Variants in TACR3 observed in about 807,000 individuals in gnomAD.
The protein encoded by TACR3 is neuromedin-K receptor.
Under a neutral mutation model 35.0 loss-of-function variants are expected in TACR3, and 34 were observed. That is an observed-to-expected ratio of 0.97 (90% CI 0.74 to 1.30). TACR3 has a LOEUF of 1.30. TACR3 is among the 50% of genes most tolerant of loss of function. The pLI, the probability that TACR3 is intolerant of heterozygous loss-of-function variation, is 0.00. For synonymous variants in TACR3, 233 were observed against 221.1 expected (o/e 1.05, Z -0.48); for missense variants, 558 against 591.7 (o/e 0.94, Z 0.59).
At chr4:103,612,934 A>C (rs1451085331) in intron 3 of TACR3, among the ~76,000 whole-genome samples, 2 of 152,202 alleles carry the variant, frequency 1.3e-5, no homozygotes, top group Non-Finnish European at 2.9e-5. Flanking sequence ...TACAAAGTGA[A>C]AGATTGGTAT....
At chr4:103,685,547 A>G (rs1424856541) in intron 1 of TACR3, among the ~76,000 whole-genome samples, 1 of 152,164 alleles carries the variant, frequency 6.6e-6, no homozygotes, top group Non-Finnish European at 1.5e-5. Context: ...GCTCTGCACA[A>G]TGCCTTGTGA....
In TACR3 at chr4:103,658,423, A is replaced by G. The variant is rs200297821; in HGVS notation, c.549-20T>C. ...ATATACCTATATAAAAACAAACAAA[A>G]CCATTTCATTGGTTTTCTTTATAAC... On this transcript the variant is annotated intron_variant, in intron 1 of 4. Coordinates refer to ENST00000304883, the MANE Select transcript of TACR3 (RefSeq NM_001059.3). The G allele has an allele frequency of 6.2e-7, 1 of 1,606,760 alleles. No homozygotes were observed. The highest frequency in any genetic ancestry group is 1.3e-5 in the African/African-American group (1 of 74,692).
chr4:103,652,224 C>G (rs901538851), intron 3 of TACR3, among the ~76,000 whole-genome samples: 2 of 152,104 alleles, frequency 1.3e-5, no homozygotes, highest in East Asian at 1.9e-4. Context: ...TCCCAGAGGA[C>G]TTTAGCCCAC....
At chr4:103,713,389 G>T (rs553842889) in intron 1 of TACR3, among the ~76,000 whole-genome samples, 10 of 146,122 alleles carry the variant, frequency 6.8e-5, no homozygotes, top group South Asian at 4.3e-4. Flanking sequence ...ACCAAACAGC[G>T]CATGTTCTCA....
chr4:103,709,685 T>A lies in TACR3; in HGVS notation c.548+9443A>T, dbSNP rs370673139. ...TAACCTTAAATGTAAATAGGCTAAA[T>A]GCTCCAATTAAAAGACACAGACTGG... is the stretch of plus-strand genomic sequence containing the variant. On this transcript the variant is annotated intron_variant, in intron 1 of 4. Transcript: ENST00000304883. Among the ~76,000 whole-genome samples, 15 of 152,238 alleles carry A rather than the reference T, an allele frequency of 9.9e-5. No individual in the cohort carries two copies. The East Asian group carries it at 2.9e-3, about 29-fold the overall frequency.
chr4:103,688,146 G>A (rs1433815140), intron 1 of TACR3, among the ~76,000 whole-genome samples: 2 of 152,134 alleles, frequency 1.3e-5, no homozygotes, highest in Non-Finnish European at 2.9e-5. Context: ...AAGAAATGGG[G>A]AAAGGATTCC....
At chr4:103,610,202 C>T (rs1724481763) in intron 3 of TACR3, among the ~76,000 whole-genome samples, 1 of 152,092 alleles carries the variant, frequency 6.6e-6, no homozygotes, top group South Asian at 2.1e-4. Flanking sequence ...ATGTTATTAT[C>T]CATAAAGGCT....
At chr4:103,638,068 T>C (rs1394254140) in intron 3 of TACR3, among the ~76,000 whole-genome samples, 1 of 152,170 alleles carries the variant, frequency 6.6e-6, no homozygotes, top group Non-Finnish European at 1.5e-5. Context: ...ATGACTTTCT[T>C]CACAGAATTG....
chr4:103,719,821 G>C lies in TACR3; in HGVS notation c.-146C>G. Reference sequence around the variant, plus strand: ...GAAGCTGAAAGATACTGCAATCCCTGCTGGTTAGGGGATGCAGCTGGGGCT... The same window carrying C: ...GAAGCTGAAAGATACTGCAATCCCTCCTGGTTAGGGGATGCAGCTGGGGCT... On this transcript the variant is annotated 5_prime_UTR_variant, in exon 1 of 5. Transcript: ENST00000304883. 9.4e-7 allele frequency: 1 copy of C among 1,066,338 alleles called. No homozygotes were observed. Among genetic ancestry groups the C allele is most frequent in the African/African-American group, 1.6e-5 (1 of 63,514 alleles). 66.1% of individuals were successfully genotyped at this position (1,066,338 alleles called of 1,614,324 possible).
intron 1 of TACR3, among the ~76,000 whole-genome samples, chr4:103,692,560 C>A (rs1035493749): frequency 1.3e-5 from 2 of 152,108 alleles, no homozygotes; most frequent in Non-Finnish European, 2.9e-5. Flanking sequence ...ACATGATTAA[C>A]CAACTTTCTG....
rs150775757 is a variant in TACR3 at position 103,636,168 on chromosome 4, G to T, written c.888+20026C>A. 8.5e-5 allele frequency among the ~76,000 whole-genome samples: 13 copies of T among 152,074 alleles called. No individual in the cohort carries two copies. The East Asian group carries it at 1.5e-3, about 18-fold the overall frequency. On this transcript the variant is annotated intron_variant, in intron 3 of 4. Coordinates refer to ENST00000304883, the MANE Select transcript of TACR3 (RefSeq NM_001059.3). The stretch of plus-strand genomic sequence containing the variant: ...ATGCTTTAGGTTAATTAACTAAGGA[G>T]AATTTGTTAAGGGAGTTTATGTATT...
chr4:103,676,655 G>T lies in TACR3; in HGVS notation c.549-18252C>A, dbSNP rs932447057. Among the ~76,000 whole-genome samples the T allele has an allele frequency of 7.2e-5, 11 of 152,174 alleles. No individual in the cohort carries two copies. In the South Asian group the frequency reaches 2.3e-3, roughly 32 times the overall value. ...TTTCATAAATGGTGCTGGGATAACT[G>T]GTTAGCCATATGCAGAAAATTGAAA... On this transcript the variant is annotated intron_variant, in intron 1 of 4. Coordinates refer to ENST00000304883, the MANE Select transcript of TACR3 (RefSeq NM_001059.3).
At chr4:103,699,033 T>C (rs934197765) in intron 1 of TACR3, among the ~76,000 whole-genome samples, 2 of 152,230 alleles carry the variant, frequency 1.3e-5, no homozygotes, top group Non-Finnish European at 2.9e-5. Context: ...TTATGTGTTC[T>C]CATAGTTACC....
At chr4:103,604,991 C>A (rs1281039931) in intron 3 of TACR3, among the ~76,000 whole-genome samples, 1 of 133,410 alleles carries the variant, frequency 7.5e-6, no homozygotes, top group African/African-American at 2.8e-5. Context: ...TCCCCCCACC[C>A]CACAACAGTC....
intron 3 of TACR3, among the ~76,000 whole-genome samples, chr4:103,646,037 C>G (rs1268200378): frequency 6.6e-6 from 1 of 151,910 alleles, no homozygotes; most frequent in Non-Finnish European, 1.5e-5. Flanking sequence ...CTAATTCAGT[C>G]ATTTAATAGT....
At chr4:103,687,207 T>C (rs529025505) in intron 1 of TACR3, among the ~76,000 whole-genome samples, 4 of 152,180 alleles carry the variant, frequency 2.6e-5, no homozygotes, top group Non-Finnish European at 5.9e-5. Context: ...CCCCTCATGC[T>C]AAAAACTCTC....
At chr4:103,621,222 G>A (rs780733865) in intron 3 of TACR3, among the ~76,000 whole-genome samples, 11 of 152,158 alleles carry the variant, frequency 7.2e-5, no homozygotes, top group South Asian at 2.1e-4. Context: ...AAGCAGGGAC[G>A]AGTCTTCTGA....
intron 3 of TACR3, among the ~76,000 whole-genome samples, chr4:103,639,605 GAAAAA>G (rs977363017): frequency 1.3e-5 from 2 of 151,466 alleles, no homozygotes; most frequent in African/African-American, 4.8e-5. Context: ...AAAATAAAAT[GAAAAA>G]AAGAAAAATC....
intron 3 of TACR3, among the ~76,000 whole-genome samples, chr4:103,610,976 GTA>G (rs1458703278): frequency 6.6e-6 from 1 of 152,046 alleles, no homozygotes; most frequent in Non-Finnish European, 1.5e-5. Context: ...TGTTCCATCG[GTA>G]TATGTGTCTG....
Sources: gnomAD v4.1 joint callset for allele counts (sites outside exome capture counted in the v4.1 genomes callset) on GRCh38, gnomAD v4.1.1 for gene constraint, MANE v1.5 for transcripts, NCBI Gene and HGNC (gene_info 2026-07-23, HGNC 2026-07-21) for gene names.